CCSER1: variants seen among roughly 807,000 people sequenced by gnomAD.
The protein encoded by CCSER1 is serine-rich coiled-coil domain-containing protein 1.
A neutral mutation model predicts 82.0 loss-of-function variants in CCSER1; 41 were observed. That is an observed-to-expected ratio of 0.50 (90% CI 0.39 to 0.65). The LOEUF (loss-of-function observed/expected upper bound fraction) is 0.65. CCSER1 is among the 30% of genes least tolerant of loss of function. CCSER1 has a pLI of 0.00. For synonymous variants in CCSER1, 414 were observed against 383.9 expected, an observed-to-expected ratio of 1.08 and a Z score of -0.92; for missense variants, 1,119 against 1,064.2, an observed-to-expected ratio of 1.05 and a Z score of -0.72.
At chr4:91,217,568 C>T (rs1472638792) in intron 10 of CCSER1, among the ~76,000 whole-genome samples, 1 of 151,448 alleles carries the variant, frequency 6.6e-6, no homozygotes, top group Non-Finnish European at 1.5e-5. Context: ...ATTTACAATC[C>T]CTGAGCTAGA....
intron 8 of CCSER1, among the ~76,000 whole-genome samples, chr4:90,876,855 A>G (rs1767276329): frequency 6.6e-6 from 1 of 152,092 alleles, no homozygotes; most frequent in Admixed American, 6.6e-5. Flanking sequence ...TATCTATAAA[A>G]CGTAATTATT....
At position 91,605,275 on chromosome 4, in the gene CCSER1, A is replaced by G. The variant is rs1196396335; in HGVS notation, c.*6218A>G. 1 of 152,096 alleles carries G rather than the reference A, an allele frequency of 6.6e-6. No individual in the cohort carries two copies. Among genetic ancestry groups the G allele is most frequent in the Non-Finnish European group, 1.5e-5 (1 of 67,970 alleles). The allele number at this position is 152,096 out of a possible 1,614,324, so 9.4% of individuals were successfully genotyped here. A position where few individuals can be genotyped will look rare whatever the true frequency, so the allele number is the denominator to read the frequency against. ...AAAAATATGCATATTTCCTGCTCAT[A>G]ATAAATTTTAAAACAACAAATTAGT... On this transcript the variant is annotated 3_prime_UTR_variant, in exon 11 of 11. Coordinates refer to ENST00000509176, the MANE Select transcript of CCSER1 (RefSeq NM_001145065.2).
chr4:90,977,999 A>G (rs72665475), intron 9 of CCSER1, among the ~76,000 whole-genome samples: 14,437 of 151,688 alleles, frequency 0.095, 876 homozygotes, highest in Admixed American at 0.17. Context: ...CAATACATGT[A>G]TATTAGGGGT....
chr4:91,357,668 C>T (rs1207428337), intron 10 of CCSER1, among the ~76,000 whole-genome samples: 1 of 151,876 alleles, frequency 6.6e-6, no homozygotes, highest in African/African-American at 2.4e-5. Context: ...TAATGGTACT[C>T]AGGAGGCCTT....
At chr4:91,467,584 A>T (rs1756994922) in intron 10 of CCSER1, among the ~76,000 whole-genome samples, 2 of 152,116 alleles carry the variant, frequency 1.3e-5, no homozygotes, top group African/African-American at 2.4e-5. Flanking sequence ...ATGGGAGAAA[A>T]TTTTTGCAAT....
intron 10 of CCSER1, among the ~76,000 whole-genome samples, chr4:91,118,881 A>G (rs1726854593): frequency 6.6e-6 from 1 of 152,132 alleles, no homozygotes. Context: ...AATTTGGGTA[A>G]ATTGTTCAAA....
chr4:90,332,548 C>A (rs1739511769), intron 3 of CCSER1, among the ~76,000 whole-genome samples: 1 of 152,046 alleles, frequency 6.6e-6, no homozygotes, highest in Non-Finnish European at 1.5e-5. Flanking sequence ...TTTTATTTAA[C>A]AATAATTTCA....
At chr4:90,398,482 T>A (rs942611821) in intron 3 of CCSER1, among the ~76,000 whole-genome samples, 2 of 152,224 alleles carry the variant, frequency 1.3e-5, no homozygotes, top group African/African-American at 4.8e-5. Context: ...ATTTGGATAG[T>A]GTGTTTGATA....
intron 8 of CCSER1, among the ~76,000 whole-genome samples, chr4:90,864,684 G>T (rs1381150552): frequency 6.6e-6 from 1 of 151,962 alleles, no homozygotes; most frequent in Non-Finnish European, 1.5e-5. Flanking sequence ...GTGAAAAATA[G>T]ATCTATAGAT....
intron 10 of CCSER1, among the ~76,000 whole-genome samples, chr4:91,460,553 T>C (rs539989887): frequency 6.6e-5 from 10 of 152,154 alleles, no homozygotes; most frequent in Non-Finnish European, 8.8e-5. Flanking sequence ...AGTCTGAGTC[T>C]TGGTGATGAT....
intron 6 of CCSER1, among the ~76,000 whole-genome samples, chr4:90,666,504 A>G (rs779694756): frequency 6.6e-6 from 1 of 152,200 alleles, no homozygotes; most frequent in Non-Finnish European, 1.5e-5. Flanking sequence ...TCAATGACAT[A>G]TCTCTAGCAA....
chr4:90,233,105 C>T (rs1446408312), intron 1 of CCSER1, among the ~76,000 whole-genome samples: 1 of 152,018 alleles, frequency 6.6e-6, no homozygotes, highest in Admixed American at 6.6e-5. Context: ...ACCATTTGAC[C>T]CAGCCATCCC....
chr4:90,496,962 G>A (rs955847125), intron 5 of CCSER1, among the ~76,000 whole-genome samples: 1 of 116,740 alleles, frequency 8.6e-6, no homozygotes, highest in Non-Finnish European at 1.6e-5. Context: ...TGGCGATAGA[G>A]CGAGACTACA....
intron 10 of CCSER1, among the ~76,000 whole-genome samples, chr4:91,579,187 A>C (rs1198139687): frequency 6.6e-6 from 1 of 151,480 alleles, no homozygotes; most frequent in East Asian, 1.9e-4. Flanking sequence ...GCTTTCTATT[A>C]GGGTTTTGGA....
chr4:91,441,521 A>G lies in CCSER1; in HGVS notation c.2218-157051A>G, dbSNP rs533447307. Among the ~76,000 whole-genome samples, 66 of 152,216 alleles carry G rather than the reference A, an allele frequency of 4.3e-4. No individual in the cohort carries two copies. The East Asian group carries it at 8.3e-3, about 19-fold the overall frequency. ...AAACTCACAGCCAATATCATACTGA[A>G]TGGGCAAAAACTGGAAGCATTCCCT... On this transcript the variant is annotated intron_variant, in intron 10 of 10. Coordinates refer to ENST00000509176, the MANE Select transcript of CCSER1 (RefSeq NM_001145065.2).
intron 1 of CCSER1, among the ~76,000 whole-genome samples, chr4:90,208,814 T>G (rs1739418436): frequency 1.3e-5 from 2 of 152,064 alleles, no homozygotes; most frequent in African/African-American, 4.8e-5. Flanking sequence ...TTGCTTCAGC[T>G]CGCCCTCCGT....
intron 5 of CCSER1, among the ~76,000 whole-genome samples, chr4:90,544,527 G>T (rs931997285): frequency 6.6e-6 from 1 of 152,042 alleles, no homozygotes; most frequent in Non-Finnish European, 1.5e-5. Context: ...ATGGAGTATT[G>T]ACAAACCCCA....
chr4:90,541,336 A>G (rs1776077047), intron 5 of CCSER1, among the ~76,000 whole-genome samples: 1 of 152,098 alleles, frequency 6.6e-6, no homozygotes, highest in Non-Finnish European at 1.5e-5. Context: ...TAATAATAAC[A>G]GTGTTGATAA....
At chr4:90,913,596 T>C (rs2150203111) in intron 8 of CCSER1, among the ~76,000 whole-genome samples, 1 of 152,070 alleles carries the variant, frequency 6.6e-6, no homozygotes, top group Middle Eastern at 3.4e-3. Context: ...ACAAGAAAAA[T>C]AACCATCTAA....
Sources: gnomAD v4.1 joint callset for allele counts (sites outside exome capture counted in the v4.1 genomes callset) on GRCh38, gnomAD v4.1.1 for gene constraint, MANE v1.5 for transcripts, NCBI Gene and HGNC (gene_info 2026-07-23, HGNC 2026-07-21) for gene names.